The following SLC26A7 variants were observed in gnomAD, a reference collection of about 807,000 sequenced individuals.
The protein encoded by SLC26A7 is anion exchange transporter.
In SLC26A7, 59 loss-of-function variants were observed where a neutral mutation model predicts 82.5. That is an observed-to-expected ratio of 0.72 (90% CI 0.58 to 0.89). The LOEUF (loss-of-function observed/expected upper bound fraction) is 0.89, where lower values mean the gene tolerates loss of function less well. SLC26A7 is among the 40% of genes least tolerant of loss of function. The pLI, the probability that SLC26A7 is intolerant of heterozygous loss-of-function variation, is 0.00. For missense variants in SLC26A7, 820 were observed against 793.0 expected, an observed-to-expected ratio of 1.03 and a Z score of -0.41; for synonymous variants, 271 against 274.3, an observed-to-expected ratio of 0.99 and a Z score of 0.12.
At chr8:91,312,858 A>G (rs1269285328) in intron 4 of SLC26A7, among the ~76,000 whole-genome samples, 1 of 151,948 alleles carries the variant, frequency 6.6e-6, no homozygotes, top group Non-Finnish European at 1.5e-5. Context: ...GTTTTTGTTG[A>G]GTTTTAGGAG....
intron 11 of SLC26A7, among the ~76,000 whole-genome samples, 193 bp downstream of exon 11, chr8:91,353,189 A>G (rs1028551928): frequency 6.6e-6 from 1 of 152,142 alleles, no homozygotes; most frequent in Non-Finnish European, 1.5e-5. Context: ...AACAGAAATA[A>G]GAGTTTGGTC....
intron 9 of SLC26A7, among the ~76,000 whole-genome samples, chr8:91,346,501 T>C (rs4734519): frequency 0.36 from 54,572 of 151,996 alleles, 10,462 homozygotes; most frequent in African/African-American, 0.47. Context: ...CATAAATTGA[T>C]GTAGATGATA....
At chr8:91,296,093 A>G (rs1218074253) in intron 4 of SLC26A7, among the ~76,000 whole-genome samples, 1 of 152,168 alleles carries the variant, frequency 6.6e-6, no homozygotes, top group Non-Finnish European at 1.5e-5. Context: ...CCAGATCTCT[A>G]GTGTCCTTCC....
intron 1 of SLC26A7, among the ~76,000 whole-genome samples, chr8:91,217,645 T>C (rs998433717): frequency 7.2e-5 from 11 of 152,230 alleles, no homozygotes; most frequent in South Asian, 4.1e-4. Flanking sequence ...AGTTGCTCTC[T>C]CACTCCCCCA....
At chr8:91,301,291 T>C (rs918939945) in intron 4 of SLC26A7, among the ~76,000 whole-genome samples, 1 of 152,190 alleles carries the variant, frequency 6.6e-6, no homozygotes, top group Admixed American at 6.5e-5. Flanking sequence ...ATAGCACTTC[T>C]GGAGCATCTA....
At chr8:91,391,980 C>A (rs1814983396) in intron 16 of SLC26A7, among the ~76,000 whole-genome samples, 1 of 152,064 alleles carries the variant, frequency 6.6e-6, no homozygotes, top group African/African-American at 2.4e-5. Context: ...GTTTAGGATC[C>A]ATGGCTGACA....
intron 9 of SLC26A7, among the ~76,000 whole-genome samples, chr8:91,351,173 G>T: frequency 6.6e-6 from 1 of 152,084 alleles, no homozygotes; most frequent in Admixed American, 6.6e-5. Flanking sequence ...AGTGGAACAT[G>T]ACTATAGGAG....
At position 91,316,988 on chromosome 8, in the gene SLC26A7, TAAAAAAAAAAAAAAA is replaced by T. The variant is rs61581659; in HGVS notation, c.478-1209_478-1195del. 1.2e-3 allele frequency among the ~76,000 whole-genome samples: 19 copies of T among 15,538 alleles called. No individual in the cohort carries two copies. In the East Asian group the frequency reaches 0.036, roughly 30 times the overall value. 10.2% of individuals were successfully genotyped at this position (15,538 alleles called of 152,430 possible). On this transcript the variant is annotated intron_variant, in intron 4 of 18. Coordinates refer to ENST00000276609, the MANE Select transcript of SLC26A7 (RefSeq NM_052832.4). The stretch of plus-strand genomic sequence containing the variant: ...GGGCAACACAGTGAGACCCTGTCTC[TAAAAAAAAAAAAAAA>T]AAAAAAAAAAAAAAAAAAGCCAGGC...
chr8:91,261,680 A>G (rs1810969535), intron 2 of SLC26A7, among the ~76,000 whole-genome samples: 1 of 151,972 alleles, frequency 6.6e-6, no homozygotes, highest in Non-Finnish European at 1.5e-5. Context: ...TCTGCTAATC[A>G]CTCCTTCCCT....
chr8:91,229,374 G>T (rs1810282745), intron 2 of SLC26A7, among the ~76,000 whole-genome samples: 1 of 152,064 alleles, frequency 6.6e-6, no homozygotes, highest in Admixed American at 6.6e-5. Context: ...TGAGGGCAGG[G>T]CATGAATTTT....
intron 1 of SLC26A7, among the ~76,000 whole-genome samples, chr8:91,216,660 T>C (rs1454800596): frequency 3.3e-5 from 5 of 152,162 alleles, no homozygotes; most frequent in African/African-American, 1.2e-4. Context: ...AGACCATATT[T>C]AGCCTGTCTT....
At chr8:91,301,645 T>C (rs1812168218) in intron 4 of SLC26A7, among the ~76,000 whole-genome samples, 1 of 152,026 alleles carries the variant, frequency 6.6e-6, no homozygotes, top group African/African-American at 2.4e-5. Context: ...TTTTGTTACT[T>C]TTTTAAGAAA....
At chr8:91,245,836 C>G (rs1810537960), upstream of SLC26A7, among the ~76,000 whole-genome samples, 1 of 152,194 alleles carries the variant, frequency 6.6e-6, no homozygotes, top group South Asian at 2.1e-4. Flanking sequence ...CAAATTCCCT[C>G]ACACTTCATA....
chr8:91,323,993 A>ATT (rs1812868117), intron 5 of SLC26A7, among the ~76,000 whole-genome samples: 1 of 151,666 alleles, frequency 6.6e-6, no homozygotes, highest in South Asian at 2.1e-4. Context: ...CGCCTGGGTA[A>ATT]TTTTTGTATT....
rs549837798 is a variant in SLC26A7, at chr8:91,369,955, C to G, written c.1675+122C>G. The G allele has an allele frequency of 1.9e-5, 15 of 776,222 alleles. No individual in the cohort carries two copies. In the Admixed American group the frequency reaches 3.7e-4, roughly 19 times the overall value. 48.1% of individuals were successfully genotyped at this position (776,222 alleles called of 1,614,324 possible). A position where few individuals can be genotyped will look rare whatever the true frequency, so the allele number is the denominator to read the frequency against. On this transcript the variant is annotated intron_variant, in intron 15 of 18. Transcript: ENST00000276609. The stretch of plus-strand genomic sequence containing the variant: ...CCTCTTCTGTTCTTCTTCTTTTTCT[C>G]TCCTAATTGTCCTCTTCCCTCTACT...
At chr8:91,351,700 C>T (rs1242974385) in intron 9 of SLC26A7, 110 bp from the exon 10 acceptor site, 1 of 736,412 alleles carries the variant, frequency 1.4e-6, no homozygotes, top group Non-Finnish European at 2.3e-6. Context: ...CAACATTTTA[C>T]TTCTTCTAAT....
At chr8:91,317,912 C>A (rs1448208083) in intron 4 of SLC26A7, among the ~76,000 whole-genome samples, 6 of 140,484 alleles carry the variant, frequency 4.3e-5, no homozygotes, top group Non-Finnish European at 6.1e-5. Context: ...TACCTAATAA[C>A]GTTTTCTAGA....
At chr8:91,371,954 T>A (rs1468851863) in intron 15 of SLC26A7, among the ~76,000 whole-genome samples, 2 of 152,046 alleles carry the variant, frequency 1.3e-5, no homozygotes, top group African/African-American at 4.8e-5. Flanking sequence ...AGATGGTATC[T>A]GATTTGATTT....
intron 5 of SLC26A7, among the ~76,000 whole-genome samples, chr8:91,329,109 G>A (rs1257769587): frequency 6.6e-6 from 1 of 152,088 alleles, no homozygotes; most frequent in Non-Finnish European, 1.5e-5. Context: ...ATCCTCAATA[G>A]GAATTTTTAT....
Sources: gnomAD v4.1 joint callset for allele counts (sites outside exome capture counted in the v4.1 genomes callset) on GRCh38, gnomAD v4.1.1 for gene constraint, MANE v1.5 for transcripts, NCBI Gene and HGNC (gene_info 2026-07-23, HGNC 2026-07-21) for gene names.